Variants in UNC5D observed in about 807,000 individuals in gnomAD.
The protein encoded by UNC5D is netrin receptor UNC5D.
Under a neutral mutation model 105.4 loss-of-function variants are expected in UNC5D, and 39 were observed. The observed-to-expected ratio is 0.37, with a 90% CI of 0.29 to 0.48. The LOEUF is 0.48. UNC5D is among the 20% of genes least tolerant of loss of function. UNC5D has a pLI of 0.98. For missense variants in UNC5D, 991 were observed against 1,202.4 expected, an observed-to-expected ratio of 0.82 and a Z score of 2.60; for synonymous variants, 452 against 450.4, an observed-to-expected ratio of 1.00 and a Z score of -0.04.
intron 1 of UNC5D, among the ~76,000 whole-genome samples, chr8:35,347,986 T>G (rs1267656262): frequency 6.6e-6 from 1 of 151,970 alleles, no homozygotes; most frequent in Non-Finnish European, 1.5e-5. Flanking sequence ...CATATTTCTT[T>G]AATGGAAATT....
chr8:35,241,064 GA>G (rs1802774612), intron 1 of UNC5D, among the ~76,000 whole-genome samples: 1 of 152,182 alleles, frequency 6.6e-6, no homozygotes, highest in Admixed American at 6.5e-5. Flanking sequence ...GTTTGCCAGG[GA>G]AATGTGGAGC....
At chr8:35,374,573 T>C (rs776312801) in intron 1 of UNC5D, among the ~76,000 whole-genome samples, 1 of 152,204 alleles carries the variant, frequency 6.6e-6, no homozygotes, top group Non-Finnish European at 1.5e-5. Flanking sequence ...TTTCCTCACA[T>C]CCACGTTCAC....
chr8:35,546,468 C>T (rs1183037008), intron 1 of UNC5D, among the ~76,000 whole-genome samples: 3 of 152,150 alleles, frequency 2.0e-5, no homozygotes, highest in Non-Finnish European at 2.9e-5. Context: ...TGCGTTGTTA[C>T]TAGTAAAGGA....
intron 3 of UNC5D, among the ~76,000 whole-genome samples, chr8:35,572,294 A>AC (rs1185004480): frequency 2.7e-5 from 4 of 150,616 alleles, no homozygotes; most frequent in African/African-American, 4.9e-5. Flanking sequence ...AAAAAAAAAA[A>AC]AAAAAACCCA....
At chr8:35,773,174 T>A (rs1423778901) in intron 15 of UNC5D, among the ~76,000 whole-genome samples, 1 of 152,322 alleles carries the variant, frequency 6.6e-6, no homozygotes, top group Non-Finnish European at 1.5e-5. Flanking sequence ...TTTCAGTCCT[T>A]AAAATTCTGT....
chr8:35,484,707 T>C (rs2130022124), intron 1 of UNC5D, among the ~76,000 whole-genome samples: 1 of 152,272 alleles, frequency 6.6e-6, no homozygotes, highest in East Asian at 1.9e-4. Context: ...TTTGACTTAA[T>C]ATCATGGATC....
At chr8:35,606,929 G>C (rs969117637) in intron 4 of UNC5D, among the ~76,000 whole-genome samples, 2 of 152,132 alleles carry the variant, frequency 1.3e-5, no homozygotes, top group African/African-American at 4.8e-5. Flanking sequence ...TCTAGGAGGT[G>C]AGCAGCATGC....
At chr8:35,493,281 CA>C (rs35199794) in intron 1 of UNC5D, among the ~76,000 whole-genome samples, 12,283 of 67,428 alleles carry the variant, frequency 0.18, 379 homozygotes, top group African/African-American at 0.28. Context: ...AGTCTGTGAC[CA>C]AAAAAAAAAA....
At chr8:35,617,242 T>C (rs947902934) in intron 4 of UNC5D, among the ~76,000 whole-genome samples, 2 of 152,214 alleles carry the variant, frequency 1.3e-5, no homozygotes, top group African/African-American at 4.8e-5. Context: ...ATCATCTGTT[T>C]AGGAAGAAAT....
intron 4 of UNC5D, among the ~76,000 whole-genome samples, chr8:35,638,452 CT>C (rs1209732398): frequency 6.6e-6 from 1 of 151,826 alleles, no homozygotes; most frequent in African/African-American, 2.4e-5. Flanking sequence ...TTTATTATTA[CT>C]TTTTTTATGT....
chr8:35,254,019 G>A (rs1458587278), intron 1 of UNC5D, among the ~76,000 whole-genome samples: 1 of 152,108 alleles, frequency 6.6e-6, no homozygotes, highest in Non-Finnish European at 1.5e-5. Context: ...ACTCTGTAAT[G>A]TGTCTCGAAA....
chr8:35,403,820 G>C (rs138606265), intron 1 of UNC5D, among the ~76,000 whole-genome samples: 116 of 152,290 alleles, frequency 7.6e-4, no homozygotes, highest in African/African-American at 2.7e-3. Context: ...TGAATAATTA[G>C]ATCAAGCTAA....
intron 4 of UNC5D, among the ~76,000 whole-genome samples, chr8:35,615,859 C>G (rs1358844795): frequency 1.3e-5 from 2 of 152,150 alleles, no homozygotes; most frequent in Non-Finnish European, 1.5e-5. Flanking sequence ...ATTTGCACAA[C>G]CACTGTGGGC....
chr8:35,315,758 T>C (rs1809253945), intron 1 of UNC5D, among the ~76,000 whole-genome samples: 1 of 152,176 alleles, frequency 6.6e-6, no homozygotes, highest in African/African-American at 2.4e-5. Context: ...TATGGAGAGA[T>C]TTGTGAACTT....
intron 1 of UNC5D, among the ~76,000 whole-genome samples, chr8:35,348,116 C>T (rs1811935232): frequency 6.6e-6 from 1 of 151,918 alleles, no homozygotes; most frequent in African/African-American, 2.4e-5. Flanking sequence ...ACCTCTCCAT[C>T]TAATGCAGCT....
At position 35,741,972 on chromosome 8, in the gene UNC5D, G is replaced by A. The variant is rs1014876321; in HGVS notation, c.1767-6555G>A. 6.6e-5 allele frequency among the ~76,000 whole-genome samples: 10 copies of A among 152,322 alleles called. No individual in the cohort carries two copies. The East Asian group carries it at 1.9e-3, about 29-fold the overall frequency. On this transcript the variant is annotated intron_variant, in intron 11 of 16. Transcript: ENST00000404895. Reference sequence around the variant, plus strand: ...CACAGTTTTAGAACCACTTGAAGATGAAAACAGGAGTCTGCTATAATAAAG... The same window carrying A: ...CACAGTTTTAGAACCACTTGAAGATAAAAACAGGAGTCTGCTATAATAAAG...
chr8:35,424,934 G>A (rs986008882), intron 1 of UNC5D, among the ~76,000 whole-genome samples: 5 of 152,176 alleles, frequency 3.3e-5, no homozygotes, highest in Non-Finnish European at 5.9e-5. Flanking sequence ...TGTGGTTGTG[G>A]GATAGTGATG....
At chr8:35,480,190 A>G (rs1810386176) in intron 1 of UNC5D, among the ~76,000 whole-genome samples, 1 of 152,174 alleles carries the variant, frequency 6.6e-6, no homozygotes, top group Admixed American at 6.5e-5. Context: ...ATTCCCCTAT[A>G]TTTACTCTTA....
chr8:35,535,349 C>T (rs1219500494), intron 1 of UNC5D, among the ~76,000 whole-genome samples: 2 of 152,118 alleles, frequency 1.3e-5, no homozygotes, highest in East Asian at 3.9e-4. Context: ...GTATGCATAC[C>T]AGGCTTCACC....
Sources: gnomAD v4.1 joint callset for allele counts (sites outside exome capture counted in the v4.1 genomes callset) on GRCh38, gnomAD v4.1.1 for gene constraint, MANE v1.5 for transcripts, NCBI Gene and HGNC (gene_info 2026-07-23, HGNC 2026-07-21) for gene names.